Variants in STXBP6 observed in about 807,000 individuals in gnomAD.
The protein encoded by STXBP6 is syntaxin-binding protein 6.
Under a neutral mutation model 26.9 loss-of-function variants are expected in STXBP6, and 21 were observed. The observed-to-expected ratio is 0.78, with a 90% CI of 0.55 to 1.12. STXBP6 has a LOEUF of 1.12. STXBP6 is among the 50% of genes most tolerant of loss of function. The pLI is 0.00. For missense variants in STXBP6, 232 were observed against 257.9 expected, an observed-to-expected ratio of 0.90 and a Z score of 0.69; for synonymous variants, 97 against 92.6, an observed-to-expected ratio of 1.05 and a Z score of -0.27.
intron 2 of STXBP6, among the ~76,000 whole-genome samples, chr14:24,860,613 ATTATT>A (rs2069501388): frequency 6.6e-6 from 1 of 152,150 alleles, no homozygotes; most frequent in Admixed American, 6.5e-5. Flanking sequence ...GCCTTAAAAT[ATTATT>A]TTAAAGGAGA....
At chr14:24,875,989 T>TG (rs1321335496) in intron 2 of STXBP6, among the ~76,000 whole-genome samples, 1 of 151,994 alleles carries the variant, frequency 6.6e-6, no homozygotes, top group Non-Finnish European at 1.5e-5. Context: ...ATCACAAGTG[T>TG]ATAACACCAA....
chr14:24,824,746 C>T (rs1189187440), intron 4 of STXBP6, among the ~76,000 whole-genome samples: 1 of 152,070 alleles, frequency 6.6e-6, no homozygotes, highest in Non-Finnish European at 1.5e-5. Flanking sequence ...AGTTGTTAAC[C>T]CAAGCTGGGC....
At chr14:24,925,516 G>A (rs980902824) in intron 2 of STXBP6, among the ~76,000 whole-genome samples, 3 of 152,154 alleles carry the variant, frequency 2.0e-5, no homozygotes, top group African/African-American at 7.2e-5. Context: ...ATTGCAGCAC[G>A]GGGAGGGAGG....
chr14:24,819,077 A>G lies in STXBP6; in HGVS notation c.569T>C (p.Leu190Pro). 6.2e-7 allele frequency: 1 copy of G among 1,611,996 alleles called. No homozygotes were observed. Among genetic ancestry groups the G allele is most frequent in the Non-Finnish European group, 8.5e-7 (1 of 1,178,590 alleles). The change falls in exon 5 of 6, where the codon CTG becomes CCG. Residue 190 changes from leucine to proline, a missense_variant. Physicochemically the swap from Leu to Pro is moderately conservative, Grantham distance 98. Coordinates refer to ENST00000323944, the MANE Select transcript of STXBP6 (RefSeq NM_001394410.1). ...TGCAAACTGCTGGGCGCTGTTCTTC[A>G]GGTCTTCTGTCTTCTCCTCTGCTCG... ...LGRAEEKTEDLKNSAQQFAET... is the reference protein window; with the variant it reads ...LGRAEEKTEDPKNSAQQFAET...
chr14:24,960,922 G>A (rs2073514694), intron 2 of STXBP6, among the ~76,000 whole-genome samples: 1 of 152,184 alleles, frequency 6.6e-6, no homozygotes, highest in African/African-American at 2.4e-5. Context: ...AAATTAAACT[G>A]GAAAGATCTG....
intron 1 of STXBP6, among the ~76,000 whole-genome samples, chr14:25,000,341 G>A (rs1294521895): frequency 1.3e-5 from 2 of 151,514 alleles, no homozygotes; most frequent in African/African-American, 4.8e-5. Flanking sequence ...GGGATTACAG[G>A]TGTGAGCCAC....
intron 2 of STXBP6, among the ~76,000 whole-genome samples, chr14:24,963,377 G>A (rs893349668): frequency 1.8e-4 from 28 of 152,182 alleles, no homozygotes; most frequent in Admixed American, 5.2e-4. Flanking sequence ...GCCATTTGCC[G>A]AGACCCTATA....
chr14:24,892,023 T>C (rs1308217442), intron 2 of STXBP6, among the ~76,000 whole-genome samples: 1 of 152,206 alleles, frequency 6.6e-6, no homozygotes, highest in Non-Finnish European at 1.5e-5. Context: ...TCCTGGCTCT[T>C]AGTACTTTTC....
intron 2 of STXBP6, among the ~76,000 whole-genome samples, chr14:24,887,872 A>G (rs1439877975): frequency 6.6e-6 from 1 of 152,240 alleles, no homozygotes; most frequent in Non-Finnish European, 1.5e-5. Flanking sequence ...TGCAAGTCCT[A>G]CTAGCAGTGA....
intron 1 of STXBP6, among the ~76,000 whole-genome samples, chr14:25,035,437 CT>C (rs2075533675): frequency 6.6e-6 from 1 of 152,216 alleles, no homozygotes; most frequent in Non-Finnish European, 1.5e-5. Context: ...ACGTTTCTTT[CT>C]TTTGGCAGGA....
chr14:24,849,695 T>C (rs2069081132), intron 4 of STXBP6, among the ~76,000 whole-genome samples: 1 of 152,158 alleles, frequency 6.6e-6, no homozygotes, highest in Admixed American at 6.6e-5. Flanking sequence ...TAAAGAACTA[T>C]AAGAAACATT....
intron 2 of STXBP6, 131 bp downstream of exon 2, chr14:24,974,534 A>G (rs9323580): frequency 0.34 from 245,521 of 732,726 alleles, 45,516 homozygotes; most frequent in African/African-American, 0.69. Flanking sequence ...GAAGACCAGA[A>G]AAACGGGGAA....
At chr14:24,894,292 G>A (rs2070898136) in intron 2 of STXBP6, among the ~76,000 whole-genome samples, 1 of 152,216 alleles carries the variant, frequency 6.6e-6, no homozygotes, top group Admixed American at 6.5e-5. Flanking sequence ...TCTCTTGAAT[G>A]TAAAAGGTGA....
At chr14:24,904,849 C>T (rs1386245086) in intron 2 of STXBP6, among the ~76,000 whole-genome samples, 1 of 152,102 alleles carries the variant, frequency 6.6e-6, no homozygotes, top group African/African-American at 2.4e-5. Context: ...GATATGGCAG[C>T]CGTAGCAGAT....
At position 24,851,444 on chromosome 14, in the gene STXBP6, G is replaced by A. The variant is rs2069152519; in HGVS notation, c.451+4492C>T. Among the ~76,000 whole-genome samples, 3 of 138,170 alleles carry A rather than the reference G, an allele frequency of 2.2e-5. No homozygotes were observed. In the South Asian group the frequency reaches 6.6e-4, roughly 30 times the overall value. 90.6% of individuals were successfully genotyped at this position (138,170 alleles called of 152,430 possible). ...GATGTTCCCCTTCCTATGTCCATGTGTTCTCACTGTTCAATTCCCACCTAT... is the reference window on the plus strand; with the variant it reads ...GATGTTCCCCTTCCTATGTCCATGTATTCTCACTGTTCAATTCCCACCTAT... On this transcript the variant is annotated intron_variant, in intron 4 of 5. Coordinates refer to ENST00000323944, the MANE Select transcript of STXBP6 (RefSeq NM_001394410.1).
intron 2 of STXBP6, among the ~76,000 whole-genome samples, chr14:24,890,497 A>G (rs556751674): frequency 6.6e-6 from 1 of 152,336 alleles, no homozygotes; most frequent in Admixed American, 6.5e-5. Flanking sequence ...AAACTAAAAA[A>G]AAATTAATTC....
intron 2 of STXBP6, among the ~76,000 whole-genome samples, chr14:24,950,852 C>T (rs969075304): frequency 6.6e-6 from 1 of 152,138 alleles, no homozygotes; most frequent in African/African-American, 2.4e-5. Flanking sequence ...ATCAACCCGT[C>T]GCCTACATTA....
intron 1 of STXBP6, among the ~76,000 whole-genome samples, chr14:25,047,927 G>T (rs1460755821): frequency 6.6e-6 from 1 of 152,206 alleles, no homozygotes; most frequent in Non-Finnish European, 1.5e-5. Flanking sequence ...TTCTGACCGT[G>T]CCAATTCTGG....
chr14:25,049,500 G>A lies in STXBP6; in HGVS notation c.-33+378C>T, dbSNP rs771105811. ...CGAGCTCCCCCACACTGGGAGCCTC[G>A]GGGCAGCATTCTCGGGGCCCATGCC... On this transcript the variant is annotated intron_variant, in intron 1 of 5. Transcript: ENST00000323944. This position sits in a 1 kb window ranked among gnomAD's most constrained non-coding sequence, Gnocchi z 5.6. 25 of 985,266 alleles carry A rather than the reference G, an allele frequency of 2.5e-5. No individual in the cohort carries two copies. Among genetic ancestry groups the A allele is most frequent in the Admixed American group, 6.1e-5 (1 of 16,270 alleles). The allele number at this position is 985,266 out of a possible 1,614,324, so 61.0% of individuals were successfully genotyped here.
Sources: gnomAD v4.1 joint callset for allele counts (sites outside exome capture counted in the v4.1 genomes callset) on GRCh38, gnomAD v4.1.1 for gene constraint, Gnocchi (gnomAD v3.1) non-coding constraint, MANE v1.5 for transcripts, NCBI Gene and HGNC (gene_info 2026-07-23, HGNC 2026-07-21) for gene names.